Variants in COL4A2 observed in about 807,000 individuals in gnomAD.
COL4A2 encodes collagen alpha-2(IV) chain.
A neutral mutation model predicts 200.2 loss-of-function variants in COL4A2; 99 were observed. The observed-to-expected ratio is 0.49, with a 90% CI of 0.42 to 0.58. The LOEUF is 0.58. Ranked by LOEUF, COL4A2 falls within the 20% of genes least tolerant of loss-of-function variation. The probability of loss-of-function intolerance (pLI) is 0.00; values close to 1 mark genes in which losing one functional copy is unlikely to be tolerated. For synonymous variants in COL4A2, 897 were observed against 900.6 expected (o/e 1.00, Z 0.07); for missense variants, 1,950 against 2,314.1 (o/e 0.84, Z 3.23).
At chr13:110,481,729 G>A (rs1882930853) in intron 31 of COL4A2, among the ~76,000 whole-genome samples, 1 of 33,386 alleles carries the variant, frequency 3.0e-5, no homozygotes, top group Non-Finnish European at 6.2e-5. Flanking sequence ...GAGACACACT[G>A]TTCTGTCCCT....
rs1884101063 is a variant in COL4A2 at position 110,512,054 on chromosome 13, T to C, written c.5002T>C (p.Tyr1668His). 6.2e-7 allele frequency: 1 copy of C among 1,613,842 alleles called. No homozygotes were observed. Among genetic ancestry groups the C allele is most frequent in the East Asian group, 2.2e-5 (1 of 44,878 alleles). Residue 1668 changes from tyrosine (Y) to histidine (H), a missense_variant, in exon 48 of 48, where the codon TAC (tyrosine) becomes CAC (histidine). Physicochemically the swap from Tyr to His is moderately conservative, Grantham distance 83. Coordinates refer to ENST00000360467, the MANE Select transcript of COL4A2 (RefSeq NM_001846.4). Reference protein sequence around the residue: ...CNGGRGTCHYYANKYSFWLTT... With the variant: ...CNGGRGTCHYHANKYSFWLTT... ...TGGAGGCCGCGGCACCTGCCACTACTACGCCAACAAGTACAGCTTCTGGCT... is the reference window on the plus strand; with the variant it reads ...TGGAGGCCGCGGCACCTGCCACTACCACGCCAACAAGTACAGCTTCTGGCT...
At chr13:110,494,736 A>G (rs575914903) in intron 39 of COL4A2, among the ~76,000 whole-genome samples, 1 of 152,296 alleles carries the variant, frequency 6.6e-6, no homozygotes, top group East Asian at 1.9e-4. Context: ...TTTAAGAGGA[A>G]AAAAAGACCC....
intron 33 of COL4A2, among the ~76,000 whole-genome samples, chr13:110,485,451 A>G (rs1432902224): frequency 1.5e-5 from 2 of 137,648 alleles, no homozygotes; most frequent in Non-Finnish European, 3.0e-5. Context: ...TGAACCGGGG[A>G]GGCAGAGCTT....
intron 3 of COL4A2, among the ~76,000 whole-genome samples, chr13:110,317,102 C>T (rs1885153028): frequency 6.6e-6 from 1 of 151,398 alleles, no homozygotes; most frequent in Non-Finnish European, 1.5e-5. Context: ...CACATACAGA[C>T]ACACACATGC....
At chr13:110,440,155 C>A (rs1172747502) in intron 16 of COL4A2, among the ~76,000 whole-genome samples, 1 of 152,212 alleles carries the variant, frequency 6.6e-6, no homozygotes, top group Non-Finnish European at 1.5e-5. Flanking sequence ...AGCTCCTGGA[C>A]TTGGTGACCC....
intron 4 of COL4A2, among the ~76,000 whole-genome samples, chr13:110,378,905 T>C (rs1051522856): frequency 6.6e-6 from 1 of 152,134 alleles, no homozygotes; most frequent in African/African-American, 2.4e-5. Context: ...CAGTCATGAA[T>C]GGAAGCTGCT....
At chr13:110,487,522 T>C (rs1164531253) in intron 34 of COL4A2, among the ~76,000 whole-genome samples, 1 of 152,200 alleles carries the variant, frequency 6.6e-6, no homozygotes, top group Non-Finnish European at 1.5e-5. Context: ...AAAGGACCTT[T>C]ATTCATAACA....
intron 4 of COL4A2, among the ~76,000 whole-genome samples, chr13:110,382,570 A>C (rs1022346479): frequency 2.0e-4 from 30 of 152,372 alleles, no homozygotes; most frequent in African/African-American, 7.2e-4. Context: ...TGAATTATAT[A>C]AAATAAATAC....
chr13:110,512,333 C>T lies in COL4A2; in HGVS notation c.*142C>T, dbSNP rs964429505. On this transcript the variant is annotated 3_prime_UTR_variant, in exon 48 of 48. Transcript: ENST00000360467. ...TTTGCATCCAGCAGCAGCACTTAGA[C>T]CTGCCAGCCACTGTCACCGAGCGGG... 16 of 1,356,220 alleles carry T rather than the reference C, an allele frequency of 1.2e-5. No individual in the cohort carries two copies. Among genetic ancestry groups the T allele is most frequent in the Non-Finnish European group, 1.6e-5 (16 of 1,029,244 alleles). The allele number at this position is 1,356,220 out of a possible 1,614,324, so 84.0% of individuals were successfully genotyped here.
intron 47 of COL4A2, among the ~76,000 whole-genome samples, chr13:110,509,062 C>T (rs1022899384): frequency 2.0e-5 from 3 of 151,772 alleles, no homozygotes; most frequent in African/African-American, 4.8e-5. Context: ...TTTGCACCAT[C>T]GAAAACTCAA....
chr13:110,330,930 A>G (rs1179893208), intron 3 of COL4A2, among the ~76,000 whole-genome samples: 3 of 152,112 alleles, frequency 2.0e-5, no homozygotes. Flanking sequence ...CTTCCCCACC[A>G]CATTCCTCTA....
chr13:110,361,207 G>T (rs1176017333), intron 4 of COL4A2, among the ~76,000 whole-genome samples: 1 of 152,212 alleles, frequency 6.6e-6, no homozygotes, highest in Non-Finnish European at 1.5e-5. Flanking sequence ...CAAATCCGGT[G>T]CATGTGGCTT....
chr13:110,353,986 T>C (rs981539820), intron 3 of COL4A2, among the ~76,000 whole-genome samples: 17 of 152,254 alleles, frequency 1.1e-4, no homozygotes, highest in African/African-American at 3.6e-4. Flanking sequence ...CATTCATTTT[T>C]GAGTGGGTTA....
chr13:110,436,406 A>T (rs1330421945), intron 13 of COL4A2, 39 bp downstream of exon 13: 2 of 1,596,884 alleles, frequency 1.3e-6, no homozygotes, highest in South Asian at 2.3e-5. Context: ...GTTGAAATAA[A>T]AAAAGGAGAG....
chr13:110,364,172 G>T lies in COL4A2; in HGVS notation c.180+6620G>T, dbSNP rs200286584. 1.2e-4 allele frequency among the ~76,000 whole-genome samples: 19 copies of T among 152,324 alleles called. No individual in the cohort carries two copies. In the East Asian group the frequency reaches 3.5e-3, roughly 28 times the overall value. On this transcript the variant is annotated intron_variant, in intron 4 of 47. Coordinates refer to ENST00000360467, the MANE Select transcript of COL4A2 (RefSeq NM_001846.4). ...GCTTTTTACATGCTGCACAGAAAGG[G>T]CAAGGAATTAGTCAGAAATAGCAAA... is the stretch of plus-strand genomic sequence containing the variant.
intron 3 of COL4A2, among the ~76,000 whole-genome samples, chr13:110,338,437 G>C (rs921797649): frequency 3.3e-5 from 5 of 150,636 alleles, no homozygotes; most frequent in South Asian, 2.1e-4. Context: ...TTGTGTGTGG[G>C]GGGGGGTGGG....
intron 10 of COL4A2, chr13:110,430,949 A>G (rs1357549725): frequency 2.0e-6 from 1 of 495,322 alleles, no homozygotes; most frequent in Non-Finnish European, 4.0e-6. Flanking sequence ...CCACAGGTTC[A>G]TAAGGAGGAA....
intron 3 of COL4A2, among the ~76,000 whole-genome samples, chr13:110,337,785 A>G (rs1876268764): frequency 6.6e-6 from 1 of 152,214 alleles, no homozygotes; most frequent in East Asian, 1.9e-4. Context: ...CTGTGTCCCC[A>G]AGACATTTTT....
At chr13:110,379,618 G>A (rs1407898234) in intron 4 of COL4A2, among the ~76,000 whole-genome samples, 2 of 152,188 alleles carry the variant, frequency 1.3e-5, no homozygotes, top group Admixed American at 6.5e-5. Context: ...TGTCAGGCGG[G>A]TGCACAGACC....
Sources: allele counts gnomAD v4.1 joint callset (sites outside exome capture counted in the v4.1 genomes callset), GRCh38; gene constraint gnomAD v4.1.1; transcripts MANE v1.5; gene names NCBI Gene and HGNC (gene_info 2026-07-23, HGNC 2026-07-21).